P2RY14: variants seen among roughly 807,000 people sequenced by gnomAD.
The protein encoded by P2RY14 is purinergic receptor P2Y14.
P2RY14 carries 2 observed loss-of-function variants against 0.9 expected under a neutral mutation model. The ratio of observed to expected loss-of-function variants is 2.16; its 90% CI spans 0.88 to 6.79. The LOEUF (loss-of-function observed/expected upper bound fraction) is 6.79, where lower values mean the gene tolerates loss of function less well. P2RY14 is among the 30% of genes most tolerant of loss of function. The probability of loss-of-function intolerance (pLI) is 0.05; values close to 1 mark genes in which losing one functional copy is unlikely to be tolerated. For synonymous variants in P2RY14, 158 were observed against 147.2 expected (o/e 1.07, Z -0.53); for missense variants, 378 against 400.1 (o/e 0.94, Z 0.47).
intron 1 of P2RY14, among the ~76,000 whole-genome samples, chr3:151,273,177 T>C (rs1030612353): frequency 1.3e-4 from 19 of 151,956 alleles, no homozygotes; most frequent in African/African-American, 4.4e-4. Flanking sequence ...CACTATGTTA[T>C]TGGGAAAGAA....
intron 1 of P2RY14, among the ~76,000 whole-genome samples, chr3:151,274,125 A>G (rs1056176075): frequency 2.6e-4 from 40 of 152,366 alleles, no homozygotes; most frequent in Middle Eastern, 6.8e-3. Context: ...ACCAACCCAT[A>G]TTCAGAAAAA....
At chr3:151,223,715 T>G (rs1315936032) in intron 1 of P2RY14, among the ~76,000 whole-genome samples, 1 of 152,066 alleles carries the variant, frequency 6.6e-6, no homozygotes, top group Non-Finnish European at 1.5e-5. Context: ...GGGGAAATGG[T>G]GGAAAAACTT....
chr3:151,230,831 T>C, intron 1 of P2RY14, among the ~76,000 whole-genome samples: 1 of 152,154 alleles, frequency 6.6e-6, no homozygotes, highest in African/African-American at 2.4e-5. Context: ...GCAGAAGTAG[T>C]GACTTCCCAC....
At chr3:151,223,082 A>T (rs964985407) in intron 1 of P2RY14, among the ~76,000 whole-genome samples, 24 of 152,054 alleles carry the variant, frequency 1.6e-4, no homozygotes, top group African/African-American at 5.8e-4. Flanking sequence ...TGCATGGAGT[A>T]ATAATCTCAG....
intron 1 of P2RY14, among the ~76,000 whole-genome samples, chr3:151,230,175 C>T (rs569587823): frequency 7.8e-4 from 118 of 152,104 alleles, no homozygotes; most frequent in Non-Finnish European, 1.4e-3. Flanking sequence ...GGGATTTCAC[C>T]GTGTTAGCCA....
chr3:151,251,855 C>A (rs1183274232), intron 1 of P2RY14, among the ~76,000 whole-genome samples: 1 of 152,208 alleles, frequency 6.6e-6, no homozygotes, highest in Non-Finnish European at 1.5e-5. Flanking sequence ...ATTATATCCA[C>A]ATGCCACCTG....
At chr3:151,234,979 A>C (rs1732443258) in intron 1 of P2RY14, among the ~76,000 whole-genome samples, 1 of 152,184 alleles carries the variant, frequency 6.6e-6, no homozygotes, top group Admixed American at 6.5e-5. Context: ...TAACCACGTC[A>C]TGGACGTGGT....
At chr3:151,232,760 A>T (rs1731951029) in intron 1 of P2RY14, among the ~76,000 whole-genome samples, 1 of 152,154 alleles carries the variant, frequency 6.6e-6, no homozygotes, top group Non-Finnish European at 1.5e-5. Flanking sequence ...CACAAAGGGA[A>T]CAGTAGACAC....
chr3:151,238,037 A>G (rs1435880341), intron 1 of P2RY14, among the ~76,000 whole-genome samples: 3 of 152,212 alleles, frequency 2.0e-5, no homozygotes, highest in African/African-American at 7.2e-5. Flanking sequence ...AAAATTTACC[A>G]ATTTTAAGGA....
At position 151,212,354 on chromosome 3, in the gene P2RY14, A is replaced by G. The variant is rs1170115146; in HGVS notation, c.*946T>C. On this transcript the variant is annotated 3_prime_UTR_variant, in exon 3 of 3. Transcript: ENST00000309170. ...AATGTGATGTGTGAATTTTCATTTT[A>G]TGTGTTATTTTGCACTCATTAATGT... 4 of 152,170 alleles carry G rather than the reference A, an allele frequency of 2.6e-5. No individual in the cohort carries two copies. Among genetic ancestry groups the G allele is most frequent in the African/African-American group, 4.8e-5 (2 of 41,442 alleles). 9.4% of individuals were successfully genotyped at this position (152,170 alleles called of 1,614,324 possible).
intron 1 of P2RY14, chr3:151,269,669 A>G: frequency 2.4e-6 from 1 of 419,324 alleles, no homozygotes; most frequent in Non-Finnish European, 4.6e-6. Flanking sequence ...ATTTGGAGGT[A>G]TTAAATCAGG....
intron 1 of P2RY14, chr3:151,261,271 G>A (rs1212123118): frequency 6.6e-6 from 1 of 152,138 alleles, no homozygotes; most frequent in African/African-American, 2.4e-5. Context: ...GGCAGAGGTG[G>A]AGATACATTC....
At chr3:151,269,088 A>C (rs895782802) in intron 1 of P2RY14, among the ~76,000 whole-genome samples, 3 of 152,122 alleles carry the variant, frequency 2.0e-5, no homozygotes, top group Non-Finnish European at 2.9e-5. Context: ...GAACAGAAAG[A>C]AGCAATTGAA....
chr3:151,277,856 A>T (rs1234539298), intron 1 of P2RY14, among the ~76,000 whole-genome samples: 1 of 152,260 alleles, frequency 6.6e-6, no homozygotes, highest in East Asian at 1.9e-4. Context: ...AGTAAATGCA[A>T]CTATATATCT....
intron 1 of P2RY14, among the ~76,000 whole-genome samples, chr3:151,261,873 C>T (rs778613618): frequency 1.3e-5 from 2 of 151,988 alleles, no homozygotes; most frequent in Non-Finnish European, 2.9e-5. Flanking sequence ...TACAGGCGTT[C>T]GTCACCATGC....
chr3:151,268,914 C>CA (rs1343581862), intron 1 of P2RY14, among the ~76,000 whole-genome samples: 1 of 151,778 alleles, frequency 6.6e-6, no homozygotes, highest in Admixed American at 6.6e-5. Flanking sequence ...AGCCACAAAA[C>CA]AAAAAAAATT....
intron 1 of P2RY14, among the ~76,000 whole-genome samples, chr3:151,226,700 C>A (rs1730558546): frequency 6.6e-6 from 1 of 152,018 alleles, no homozygotes; most frequent in African/African-American, 2.4e-5. Context: ...TAAGGTTTTG[C>A]ATGAGGTGGA....
At chr3:151,234,215 A>G (rs1732279617) in intron 1 of P2RY14, among the ~76,000 whole-genome samples, 1 of 152,260 alleles carries the variant, frequency 6.6e-6, no homozygotes, top group African/African-American at 2.4e-5. Context: ...TAAAAAACCC[A>G]TTATTTGCCT....
intron 2 of P2RY14, 96 bp from the exon 3 acceptor site, chr3:151,214,436 C>G: frequency 1.2e-6 from 1 of 824,294 alleles, no homozygotes; most frequent in Non-Finnish European, 1.9e-6. Flanking sequence ...ATAGTCAAAC[C>G]TACCAAATTT....
Sources: gnomAD v4.1 joint callset for allele counts (sites outside exome capture counted in the v4.1 genomes callset) on GRCh38, gnomAD v4.1.1 for gene constraint, MANE v1.5 for transcripts, NCBI Gene and HGNC (gene_info 2026-07-23, HGNC 2026-07-21) for gene names.